The following STARD10 variants were observed in gnomAD, a reference collection of about 807,000 sequenced individuals.
The protein encoded by STARD10 is StAR related lipid transfer domain containing 10.
Under a neutral mutation model 36.0 loss-of-function variants are expected in STARD10, and 24 were observed. The observed-to-expected ratio is 0.67, with a 90% CI of 0.48 to 0.94. The LOEUF (loss-of-function observed/expected upper bound fraction) is 0.94. Among genes scored for constraint, STARD10 ranks in the 40% least tolerant of loss-of-function variants. The pLI is 0.00. For missense variants in STARD10, 335 were observed against 396.6 expected, an observed-to-expected ratio of 0.84 and a Z score of 1.32; for synonymous variants, 156 against 161.9, an observed-to-expected ratio of 0.96 and a Z score of 0.28.
intron 2 of STARD10, among the ~76,000 whole-genome samples, chr11:72,774,070 C>T (rs754066786): frequency 6.6e-6 from 1 of 152,196 alleles, no homozygotes; most frequent in Non-Finnish European, 1.5e-5. Context: ...CCCAGCCACT[C>T]TGGCAGGGTC....
intron 2 of STARD10, among the ~76,000 whole-genome samples, chr11:72,770,223 G>T (rs1453791336): frequency 6.6e-6 from 1 of 152,154 alleles, no homozygotes; most frequent in African/African-American, 2.4e-5. Context: ...TTTTTTAAAA[G>T]AATTATTTTT....
intron 6 of STARD10, 164 bp from the exon 7 acceptor site, chr11:72,755,306 C>CTTTTTTTTTTTTTTCTTTTTTTTT (rs1858628717): frequency 3.3e-6 from 1 of 306,634 alleles, no homozygotes; most frequent in Non-Finnish European, 5.6e-6. Flanking sequence ...ATTCTCCATT[C>CTTTTTTTTTTTTTTCTTTTTTTTT]TTTTTTTTTT....
At chr11:72,778,977 C>T (rs1858958982) in intron 2 of STARD10, among the ~76,000 whole-genome samples, 2 of 152,204 alleles carry the variant, frequency 1.3e-5, no homozygotes, top group African/African-American at 2.4e-5. Flanking sequence ...GATCTGGCCA[C>T]GAGTGGTCTG....
At chr11:72,778,043 T>C (rs1858948681) in intron 2 of STARD10, among the ~76,000 whole-genome samples, 1 of 152,226 alleles carries the variant, frequency 6.6e-6, no homozygotes, top group African/African-American at 2.4e-5. Flanking sequence ...GCTCCAGACC[T>C]GCTGGGTGAC....
At chr11:72,792,087 T>TTG (rs1859151398) in intron 1 of STARD10, among the ~76,000 whole-genome samples, 1 of 131,850 alleles carries the variant, frequency 7.6e-6, no homozygotes. Context: ...TCTTACTCTG[T>TTG]CAGCCAGGCT....
At chr11:72,757,991 C>T (rs1858666912) in intron 4 of STARD10, 107 bp from the exon 5 acceptor site, 2 of 946,396 alleles carry the variant, frequency 2.1e-6, no homozygotes, top group East Asian at 4.8e-5. Flanking sequence ...AGTTAATTCA[C>T]ATGCCGTGAC....
At position 72,759,242 on chromosome 11, in the gene STARD10, T is replaced by C. The variant is rs1411484340; in HGVS notation, c.347A>G (p.Tyr116Cys). 1.9e-6 allele frequency: 3 copies of C among 1,614,084 alleles called. No homozygotes were observed. The highest frequency in any genetic ancestry group is 2.2e-5 in the East Asian group (1 of 44,882). Residue 116 changes from tyrosine (Y) to cysteine (C), a missense_variant, in exon 3 of 7, where the codon TAT (tyrosine) becomes TGT (cysteine). Transcript: ENST00000334805. Reference protein sequence around the residue: ...ARLTVNADVGYYSWRCPKPLK... With the variant: ...ARLTVNADVGCYSWRCPKPLK... ...GTGCTACGCCTGCTCACAGGAGTAA[T>C]AGCCCACGTCAGCGTTGACTGTCAA...
At chr11:72,771,779 T>A (rs1189162251) in intron 2 of STARD10, among the ~76,000 whole-genome samples, 1 of 152,100 alleles carries the variant, frequency 6.6e-6, no homozygotes, top group African/African-American at 2.4e-5. Context: ...CCTCCTGCCC[T>A]GTACCTCTCC....
At chr11:72,791,520 G>A (rs1408166959) in intron 1 of STARD10, among the ~76,000 whole-genome samples, 1 of 151,982 alleles carries the variant, frequency 6.6e-6, no homozygotes, top group Admixed American at 6.6e-5. Flanking sequence ...TGGCCAACAT[G>A]GTGAAACCGT....
intron 2 of STARD10, chr11:72,780,572 G>A: frequency 5.6e-6 from 2 of 357,100 alleles, no homozygotes; most frequent in South Asian, 2.1e-5. Context: ...AGCTCAGGCT[G>A]AGAACCAGGA....
At position 72,755,204 on chromosome 11, in the gene STARD10, C is replaced by T. The variant is rs191722742; in HGVS notation, c.631-62G>A. On this transcript the variant is annotated intron_variant, in intron 6 of 6. Coordinates refer to ENST00000334805, the MANE Select transcript of STARD10 (RefSeq NM_006645.3). Reference sequence around the variant, plus strand: ...TAGGGGGCAGGTCTTCTCCACACCCCCCTCCAGCGGCTCAGCCCCCAGCAT... The same window carrying T: ...TAGGGGGCAGGTCTTCTCCACACCCTCCTCCAGCGGCTCAGCCCCCAGCAT... The T allele has an allele frequency of 8.2e-5, 124 of 1,521,416 alleles. 1 individual carries two copies. The Admixed American group carries it at 1.5e-3, about 18-fold the overall frequency. 94.2% of individuals were successfully genotyped at this position (1,521,416 alleles called of 1,614,324 possible). A position where few individuals can be genotyped will look rare whatever the true frequency, so the allele number is the denominator to read the frequency against.
intron 2 of STARD10, among the ~76,000 whole-genome samples, chr11:72,768,080 G>A (rs568322561): frequency 2.0e-5 from 3 of 152,294 alleles, no homozygotes; most frequent in African/African-American, 7.2e-5. Flanking sequence ...CAGCGTGAGT[G>A]CACAGCGAGG....
At chr11:72,776,487 C>A (rs1408081601) in intron 2 of STARD10, among the ~76,000 whole-genome samples, 1 of 152,200 alleles carries the variant, frequency 6.6e-6, no homozygotes, top group Non-Finnish European at 1.5e-5. Flanking sequence ...CTAAGGTGCC[C>A]TCCCACAATG....
At chr11:72,785,438 A>T (rs1317362480) in intron 1 of STARD10, among the ~76,000 whole-genome samples, 1 of 151,606 alleles carries the variant, frequency 6.6e-6, no homozygotes, top group Non-Finnish European at 1.5e-5. Flanking sequence ...GGTGGCACGC[A>T]CCTGGGAGCC....
At chr11:72,770,838 C>T (rs1201221917) in intron 2 of STARD10, among the ~76,000 whole-genome samples, 1 of 152,066 alleles carries the variant, frequency 6.6e-6, no homozygotes, top group African/African-American at 2.4e-5. Context: ...AGGTGATGGC[C>T]TGAGAACTAG....
intron 5 of STARD10, among the ~76,000 whole-genome samples, chr11:72,756,870 G>A (rs541429584): frequency 6.6e-6 from 1 of 152,320 alleles, no homozygotes; most frequent in South Asian, 2.1e-4. Context: ...CGGGGGCTAA[G>A]CGCGGTGGCT....
intron 1 of STARD10, among the ~76,000 whole-genome samples, chr11:72,790,006 C>T (rs1859121364): frequency 6.6e-6 from 1 of 152,226 alleles, no homozygotes; most frequent in Admixed American, 6.5e-5. Flanking sequence ...GATCTGCATC[C>T]TCTGCTGCCT....
chr11:72,783,689 G>A (rs879917893), intron 1 of STARD10: 2 of 152,366 alleles, frequency 1.3e-5, no homozygotes, highest in Admixed American at 1.3e-4. Flanking sequence ...CACTGGCCTG[G>A]TGGCTCCTGC....
chr11:72,757,272 G>A (rs1858658078), intron 5 of STARD10, among the ~76,000 whole-genome samples: 1 of 152,190 alleles, frequency 6.6e-6, no homozygotes, highest in African/African-American at 2.4e-5. Flanking sequence ...GGCAAGTTAG[G>A]AGGAAAGATG....
Sources: gnomAD v4.1 joint callset for allele counts (sites outside exome capture counted in the v4.1 genomes callset) on GRCh38, gnomAD v4.1.1 for gene constraint, MANE v1.5 for transcripts, NCBI Gene and HGNC (gene_info 2026-07-23, HGNC 2026-07-21) for gene names.